FREM2: variants seen among roughly 807,000 people sequenced by gnomAD.
The protein encoded by FREM2 is FRAS1-related extracellular matrix protein 2.
A neutral mutation model predicts 219.9 loss-of-function variants in FREM2; 119 were observed. The observed-to-expected ratio is 0.54, with a 90% CI of 0.47 to 0.63. FREM2 has a LOEUF of 0.63. Ranked by LOEUF, FREM2 falls within the 30% of genes least tolerant of loss-of-function variation. FREM2 has a pLI of 0.00. For synonymous variants in FREM2, 1,562 were observed against 1,522.8 expected (o/e 1.03, Z -0.60); for missense variants, 4,030 against 3,993.6 (o/e 1.01, Z -0.25).
intron 2 of FREM2, among the ~76,000 whole-genome samples, chr13:38,742,053 T>G (rs960281970): frequency 3.3e-5 from 5 of 152,196 alleles, no homozygotes; most frequent in African/African-American, 1.2e-4. Context: ...AGCATCTAAA[T>G]TACAATAATA....
intron 6 of FREM2, among the ~76,000 whole-genome samples, chr13:38,823,506 A>C (rs2137879744): frequency 6.6e-6 from 1 of 152,104 alleles, no homozygotes; most frequent in East Asian, 1.9e-4. Flanking sequence ...CATTCCAAGC[A>C]GCATACAATA....
intron 2 of FREM2, among the ~76,000 whole-genome samples, chr13:38,752,711 C>A (rs1254109588): frequency 3.3e-5 from 5 of 152,208 alleles, no homozygotes; most frequent in African/African-American, 4.8e-5. Flanking sequence ...AAAGATAATC[C>A]AAGATACAGT....
intron 2 of FREM2, among the ~76,000 whole-genome samples, chr13:38,700,334 T>C (rs1870293753): frequency 6.6e-6 from 1 of 152,030 alleles, no homozygotes; most frequent in African/African-American, 2.4e-5. Context: ...AAAGGGTTAC[T>C]ACCTTTGAAG....
At chr13:38,698,408 T>G (rs1361973329) in intron 2 of FREM2, among the ~76,000 whole-genome samples, 3 of 152,124 alleles carry the variant, frequency 2.0e-5, no homozygotes, top group Non-Finnish European at 1.5e-5. Flanking sequence ...CTGAGCTAAG[T>G]CTTTTGGGCG....
intron 4 of FREM2, among the ~76,000 whole-genome samples, chr13:38,781,705 T>G (rs9566362): frequency 0.12 from 18,992 of 152,154 alleles, 1,271 homozygotes; most frequent in East Asian, 0.17. Flanking sequence ...AATAGCACAC[T>G]GAAAATGAGT....
chr13:38,802,221 A>T (rs1391976993), intron 6 of FREM2, among the ~76,000 whole-genome samples: 1 of 152,210 alleles, frequency 6.6e-6, no homozygotes, highest in Non-Finnish European at 1.5e-5. Flanking sequence ...ACAGCAGATT[A>T]TCGTGGGCCT....
At chr13:38,789,400 T>A (rs1029648991) in intron 6 of FREM2, among the ~76,000 whole-genome samples, 1 of 151,830 alleles carries the variant, frequency 6.6e-6, no homozygotes, top group African/African-American at 2.4e-5. Context: ...CTCTATTGCA[T>A]GTCTATTTAT....
At chr13:38,827,121 T>C (rs1025586839) in intron 6 of FREM2, among the ~76,000 whole-genome samples, 3 of 152,138 alleles carry the variant, frequency 2.0e-5, no homozygotes, top group Non-Finnish European at 2.9e-5. Flanking sequence ...TATTTAATTT[T>C]TTTACAGTAC....
chr13:38,714,730 T>A (rs1384858547), intron 2 of FREM2, among the ~76,000 whole-genome samples: 1 of 152,142 alleles, frequency 6.6e-6, no homozygotes, highest in Non-Finnish European at 1.5e-5. Flanking sequence ...ATGCACAATA[T>A]CATGTTGTAC....
At chr13:38,805,262 A>G (rs1425996936) in intron 6 of FREM2, among the ~76,000 whole-genome samples, 1 of 151,534 alleles carries the variant, frequency 6.6e-6, no homozygotes, top group Non-Finnish European at 1.5e-5. Flanking sequence ...AGGTGAGGCT[A>G]GAAAGGAAAG....
Position 38,866,621 on chromosome 13 carries a change from C to G in FREM2, c.7983+2015C>G, listed in dbSNP as rs192129521. On this transcript the variant is annotated intron_variant, in intron 16 of 23. Coordinates refer to ENST00000280481, the MANE Select transcript of FREM2 (RefSeq NM_207361.6). ...GGCGGAGGTTGTGGTGAGCCGAGAT[C>G]GCGCCATTGCACTCCAGCCTGGGCA... Among the ~76,000 whole-genome samples the G allele has an allele frequency of 1.1e-4, 16 of 150,394 alleles. No individual in the cohort carries two copies. The East Asian group carries it at 2.2e-3, about 20-fold the overall frequency.
intron 4 of FREM2, among the ~76,000 whole-genome samples, chr13:38,771,561 C>G (rs1366601168): frequency 6.6e-6 from 1 of 152,148 alleles, no homozygotes; most frequent in African/African-American, 2.4e-5. Context: ...ACGCACACCC[C>G]ACATACACAG....
At chr13:38,841,594 A>G (rs527422195) in intron 6 of FREM2, among the ~76,000 whole-genome samples, 1 of 151,948 alleles carries the variant, frequency 6.6e-6, no homozygotes, top group African/African-American at 2.4e-5. Context: ...CTTTGAGTTC[A>G]TTTTGATTCA....
chr13:38,797,705 A>AT (rs572132818), intron 6 of FREM2, among the ~76,000 whole-genome samples: 41 of 151,240 alleles, frequency 2.7e-4, no homozygotes, highest in African/African-American at 9.7e-4. Flanking sequence ...AGTTTTCCCC[A>AT]TTTTTTTCCT....
intron 2 of FREM2, among the ~76,000 whole-genome samples, chr13:38,751,213 A>C (rs1054851058): frequency 1.5e-5 from 2 of 135,258 alleles, no homozygotes; most frequent in East Asian, 4.4e-4. Context: ...TTTTTTGAGG[A>C]ACTTCTGTAT....
In FREM2 at chr13:38,859,388, A is replaced by C. The variant is rs1296684367; in HGVS notation, c.7317A>C (p.Ala2439=). ...TLTRYRWLIS[A]PAGPDGVTSP... is the part of the protein sequence containing the mutation. Reference sequence around the variant, plus strand: ...CGCGGTACCGGTGGCTGATTAGTGCACCTGCGGGCCCTGACGGTGTGACCA... The same window carrying C: ...CGCGGTACCGGTGGCTGATTAGTGCCCCTGCGGGCCCTGACGGTGTGACCA... Residue 2439 remains alanine, a synonymous_variant, in exon 14 of 24, where the codon GCA becomes GCC. Coordinates refer to ENST00000280481, the MANE Select transcript of FREM2 (RefSeq NM_207361.6). 2 of 1,614,156 alleles carry C rather than the reference A, an allele frequency of 1.2e-6. No individual in the cohort carries two copies.
In FREM2 at chr13:38,688,148, C is replaced by T. The variant is rs1246533258; in HGVS notation, c.804C>T (p.His268=). 1.2e-6 allele frequency: 2 copies of T among 1,613,406 alleles called. No individual in the cohort carries two copies. The highest frequency in any genetic ancestry group is 1.7e-6 in the Non-Finnish European group (2 of 1,179,860). The change falls in exon 1 of 24, where the codon CAC becomes CAT. Residue 268 remains histidine (H), a synonymous_variant. Transcript: ENST00000280481. ...AGGAACTAGGCGTGCGCTATCGCCA[C>T]ACAGCCGCCAGTCGCTCACCAAACA... ...AFQELGVRYR[H]TAASRSPNRD...
intron 6 of FREM2, among the ~76,000 whole-genome samples, chr13:38,796,078 G>A (rs1044087754): frequency 1.3e-5 from 2 of 151,972 alleles, no homozygotes; most frequent in African/African-American, 4.8e-5. Context: ...CATTAAGGTG[G>A]CTGGCAAATC....
intron 4 of FREM2, among the ~76,000 whole-genome samples, chr13:38,781,845 G>A (rs1874130064): frequency 6.6e-6 from 1 of 152,214 alleles, no homozygotes; most frequent in African/African-American, 2.4e-5. Flanking sequence ...GCACAGGACA[G>A]GAGAGGCTAG....
Sources: allele counts gnomAD v4.1 joint callset (sites outside exome capture counted in the v4.1 genomes callset), GRCh38; gene constraint gnomAD v4.1.1; transcripts MANE v1.5; gene names NCBI Gene and HGNC (gene_info 2026-07-23, HGNC 2026-07-21).